Variants in GRIK1 observed in about 807,000 individuals in gnomAD.
GRIK1 encodes glutamate ionotropic receptor kainate type subunit 1, also known as glutamate receptor ionotropic, kainate 1.
In GRIK1, 69 loss-of-function variants were observed where a neutral mutation model predicts 105.7. That is an observed-to-expected ratio of 0.65 (90% CI 0.54 to 0.80). The LOEUF (loss-of-function observed/expected upper bound fraction) is 0.80, where lower values mean the gene tolerates loss of function less well. GRIK1 is among the 30% of genes least tolerant of loss of function. GRIK1 has a pLI of 0.00. For missense variants in GRIK1, 1,109 were observed against 1,167.3 expected (o/e 0.95, Z 0.73); for synonymous variants, 438 against 431.3 (o/e 1.02, Z -0.19).
At chr21:29,608,182 C>T (rs907384334) in intron 7 of GRIK1, among the ~76,000 whole-genome samples, 1 of 151,962 alleles carries the variant, frequency 6.6e-6, no homozygotes, top group African/African-American at 2.4e-5. Context: ...TTTGGTTTTG[C>T]CACTTTGAAG....
At chr21:29,582,356 G>C (rs1207693090) in intron 12 of GRIK1, 1 of 470,562 alleles carries the variant, frequency 2.1e-6, no homozygotes, top group Admixed American at 2.4e-5. Context: ...GGTTCGGTAA[G>C]TGGTATGTTT....
At chr21:29,847,673 T>C (rs945798980) in intron 1 of GRIK1, among the ~76,000 whole-genome samples, 12 of 152,226 alleles carry the variant, frequency 7.9e-5, no homozygotes, top group Admixed American at 7.9e-4. Flanking sequence ...TCTGCATCTT[T>C]GTTGCAATGG....
intron 1 of GRIK1, among the ~76,000 whole-genome samples, chr21:29,801,658 A>AT (rs568183907): frequency 5.4e-4 from 83 of 152,306 alleles, no homozygotes; most frequent in South Asian, 1.0e-3. Flanking sequence ...CTGTGGACAT[A>AT]TTTTCAATTA....
At chr21:29,925,166 A>G (rs967970975) in intron 1 of GRIK1, among the ~76,000 whole-genome samples, 19 of 152,254 alleles carry the variant, frequency 1.2e-4, no homozygotes, top group African/African-American at 4.3e-4. Flanking sequence ...GATCGTAGGT[A>G]TGCTATCTAT....
At chr21:29,722,692 A>G (rs2064353514) in intron 1 of GRIK1, among the ~76,000 whole-genome samples, 4 of 152,130 alleles carry the variant, frequency 2.6e-5, no homozygotes, top group African/African-American at 7.2e-5. Context: ...GTGCTGTAAC[A>G]TACATTATAT....
At chr21:29,691,781 T>C (rs1465107443) in intron 2 of GRIK1, among the ~76,000 whole-genome samples, 2 of 152,228 alleles carry the variant, frequency 1.3e-5, no homozygotes, top group African/African-American at 4.8e-5. Flanking sequence ...CTGACTTAAT[T>C]CAGACAGAAT....
chr21:29,630,072 G>A (rs1358261490), intron 7 of GRIK1, among the ~76,000 whole-genome samples: 1 of 152,140 alleles, frequency 6.6e-6, no homozygotes. Context: ...TTCTTATGTG[G>A]GTGTAGCAGA....
At chr21:29,560,752 G>A (rs1479237163) in intron 15 of GRIK1, among the ~76,000 whole-genome samples, 1 of 150,892 alleles carries the variant, frequency 6.6e-6, no homozygotes, top group African/African-American at 2.4e-5. Context: ...TAGGCACATG[G>A]CACCACAGCC....
At chr21:29,842,216 T>C (rs2068002478) in intron 1 of GRIK1, among the ~76,000 whole-genome samples, 1 of 152,172 alleles carries the variant, frequency 6.6e-6, no homozygotes, top group African/African-American at 2.4e-5. Flanking sequence ...TGTATTTTTT[T>C]TTGGTTTGGG....
chr21:29,735,477 G>A (rs1193520940), intron 1 of GRIK1, among the ~76,000 whole-genome samples: 2 of 152,092 alleles, frequency 1.3e-5, no homozygotes, highest in Admixed American at 6.5e-5. Context: ...CTTCCTCATT[G>A]CACCCCAAAT....
intron 5 of GRIK1, 150 bp downstream of exon 5, chr21:29,654,660 T>C (rs1052436199): frequency 5.2e-6 from 3 of 579,078 alleles, no homozygotes; most frequent in Non-Finnish European, 9.3e-6. Context: ...AGCCTGCTGC[T>C]CAGCATTGCT....
intron 1 of GRIK1, among the ~76,000 whole-genome samples, chr21:29,934,576 AAAGT>A (rs1569230755): frequency 6.6e-6 from 1 of 152,216 alleles, no homozygotes; most frequent in Admixed American, 6.5e-5. Context: ...TAAATTACTG[AAAGT>A]AAGTGTTATT....
At chr21:29,584,892 G>A (rs1299143337) in intron 12 of GRIK1, among the ~76,000 whole-genome samples, 1 of 152,114 alleles carries the variant, frequency 6.6e-6, no homozygotes, top group Non-Finnish European at 1.5e-5. Context: ...TTTGTTTTTG[G>A]GAATCAAGTC....
In GRIK1 at chr21:29,550,107, C is replaced by CAAAAAAAAAAAA. The variant is rs34939329; in HGVS notation, c.2607+4933_2607+4944dup. Among the ~76,000 whole-genome samples, 34 of 53,480 alleles carry CAAAAAAAAAAAA rather than the reference C, an allele frequency of 6.4e-4. 4 individuals are homozygous for CAAAAAAAAAAAA. The highest frequency in any genetic ancestry group is 2.7e-3 in the African/African-American group (32 of 11,746). 35.1% of individuals were successfully genotyped at this position (53,480 alleles called of 152,430 possible). ...TGGGCGACAGAGAAAGACTCCATCT[C>CAAAAAAAAAAAA]AAAAAAAAAAAAAAAAAAAAAAAAA... On this transcript the variant is annotated intron_variant, in intron 16 of 17. Transcript: ENST00000327783.
At chr21:29,630,236 T>C (rs566436250) in intron 7 of GRIK1, among the ~76,000 whole-genome samples, 1 of 152,226 alleles carries the variant, frequency 6.6e-6, no homozygotes, top group African/African-American at 2.4e-5. Flanking sequence ...AAATATAGTA[T>C]GGAGAAATTT....
intron 1 of GRIK1, among the ~76,000 whole-genome samples, chr21:29,821,395 T>A (rs368872580): frequency 9.9e-5 from 15 of 152,192 alleles, no homozygotes; most frequent in African/African-American, 3.1e-4. Flanking sequence ...TTGTGACATT[T>A]TTCTGCTTCT....
chr21:29,609,079 G>A (rs1327916621), intron 7 of GRIK1, among the ~76,000 whole-genome samples: 2 of 150,274 alleles, frequency 1.3e-5, no homozygotes, highest in Non-Finnish European at 3.0e-5. Context: ...ATAAGATATG[G>A]TCTTTTAATA....
chr21:29,706,934 A>G (rs866970375), intron 1 of GRIK1, among the ~76,000 whole-genome samples: 6 of 151,812 alleles, frequency 4.0e-5, no homozygotes, highest in Non-Finnish European at 7.4e-5. Context: ...GTGAGATCTC[A>G]GCTCACTGCA....
chr21:29,907,573 G>A (rs974539164), intron 1 of GRIK1, among the ~76,000 whole-genome samples: 3 of 152,130 alleles, frequency 2.0e-5, no homozygotes, highest in East Asian at 1.9e-4. Flanking sequence ...TTCAGCTAAC[G>A]CATTTTAATC....
Sources: allele counts gnomAD v4.1 joint callset (sites outside exome capture counted in the v4.1 genomes callset), GRCh38; gene constraint gnomAD v4.1.1; transcripts MANE v1.5; gene names NCBI Gene and HGNC (gene_info 2026-07-23, HGNC 2026-07-21).